CTSB: variants seen among roughly 807,000 people sequenced by gnomAD.
CTSB encodes the protein APP secretase.
CTSB carries 57 observed loss-of-function variants against 44.3 expected under a neutral mutation model. The ratio of observed to expected loss-of-function variants is 1.29; its 90% CI spans 1.04 to 1.60. The LOEUF (loss-of-function observed/expected upper bound fraction) is 1.60, where lower values mean the gene tolerates loss of function less well. Among genes scored for constraint, CTSB ranks in the 40% most tolerant of loss-of-function variants. The probability of loss-of-function intolerance (pLI) is 0.00; values close to 1 mark genes in which losing one functional copy is unlikely to be tolerated. For missense variants in CTSB, 768 were observed against 443.0 expected (o/e 1.73, Z -6.59); for synonymous variants, 320 against 168.0 (o/e 1.91, Z -7.00).
At chr8:11,866,813 T>G (rs1320180534) in intron 1 of CTSB, among the ~76,000 whole-genome samples, 1 of 152,178 alleles carries the variant, frequency 6.6e-6, no homozygotes, top group Non-Finnish European at 1.5e-5. Flanking sequence ...TGAGCCGAGA[T>G]CGCGCCACTG....
At chr8:11,855,684 G>A (rs1407969166) in intron 1 of CTSB, among the ~76,000 whole-genome samples, 2 of 152,058 alleles carry the variant, frequency 1.3e-5, no homozygotes, top group African/African-American at 4.8e-5. Context: ...CAGAAAAATG[G>A]AACCAGCATA....
intron 1 of CTSB, among the ~76,000 whole-genome samples, chr8:11,866,429 C>T (rs1044830440): frequency 6.6e-6 from 1 of 152,250 alleles, no homozygotes; most frequent in Non-Finnish European, 1.5e-5. Flanking sequence ...CCAGGGGGTA[C>T]CCCCAGCTAG....
intron 1 of CTSB, among the ~76,000 whole-genome samples, chr8:11,855,800 C>T (rs143750891): frequency 0.02 from 3,021 of 152,002 alleles, 49 homozygotes; most frequent in Middle Eastern, 0.048. Context: ...GGTGGATCGC[C>T]TGAGGTCAGG....
chr8:11,847,905 C>G, intron 6 of CTSB, 83 bp from the exon 7 acceptor site: 1 of 1,452,078 alleles, frequency 6.9e-7, no homozygotes, highest in South Asian at 1.3e-5. Flanking sequence ...GTGCCTGCAG[C>G]ATGGACGCCA....
At position 11,853,359 on chromosome 8, in the gene CTSB, G is replaced by A. The variant is rs191991280; in HGVS notation, c.96C>T (p.Asn32=). The change falls in exon 2 of 10, where the codon AAC becomes AAT. Residue 32 remains asparagine, a synonymous_variant. Transcript: ENST00000353047. The part of the protein sequence containing the change: ...SFHPLSDELV[N]YVNKRNTTWQ... Reference sequence around the variant, plus strand: ...ACGTGGTATTCCGTTTGTTGACATAGTTGACCAGCTCATCCGACAGGGGAT... The same window carrying A: ...ACGTGGTATTCCGTTTGTTGACATAATTGACCAGCTCATCCGACAGGGGAT... The A allele has an allele frequency of 6.2e-7, 1 of 1,613,380 alleles. No homozygotes were observed. The highest frequency in any genetic ancestry group is 2.2e-5 in the East Asian group (1 of 44,850).
At chr8:11,850,133 A>C in intron 4 of CTSB, 1 of 152,190 alleles carries the variant, frequency 6.6e-6, no homozygotes, top group Non-Finnish European at 1.5e-5. Flanking sequence ...TACACTTGAA[A>C]ATAGTTGCTG....
intron 8 of CTSB, chr8:11,846,187 A>ACACC (rs1813297620): frequency 6.5e-6 from 1 of 154,218 alleles, no homozygotes; most frequent in Non-Finnish European, 1.4e-5. Context: ...TGCTCCAGGT[A>ACACC]CACCCTGAAG....
chr8:11,860,650 A>G (rs1288948143), intron 1 of CTSB, among the ~76,000 whole-genome samples: 1 of 152,072 alleles, frequency 6.6e-6, no homozygotes, highest in African/African-American at 2.4e-5. Context: ...AACAAAACAA[A>G]AACAAAAGTC....
At chr8:11,852,775 C>T in intron 2 of CTSB, 80 bp from the exon 3 acceptor site, 1 of 1,378,612 alleles carries the variant, frequency 7.3e-7, no homozygotes, top group Non-Finnish European at 1.0e-6. Flanking sequence ...CGAAGCCCAA[C>T]CCAGGGAAAA....
At chr8:11,852,550 A>T in intron 3 of CTSB, 60 bp downstream of exon 3, 1 of 1,429,470 alleles carries the variant, frequency 7.0e-7, no homozygotes, top group Non-Finnish European at 9.7e-7. Flanking sequence ...CCCACTTCCC[A>T]CTGCCCCAAA....
Position 11,865,405 on chromosome 8 carries a change from G to A in CTSB, c.-26+2596C>T, listed in dbSNP as rs918502497. On this transcript the variant is annotated intron_variant, in intron 1 of 9. Coordinates refer to ENST00000353047, the MANE Select transcript of CTSB (RefSeq NM_001908.5). ...GATTTTTTTACATTGGATTTTTTTAGGAGAGACAAAAAATCTCTACTAAAA... is the reference window on the plus strand; with the variant it reads ...GATTTTTTTACATTGGATTTTTTTAAGAGAGACAAAAAATCTCTACTAAAA... The A allele has an allele frequency of 2.6e-5, 4 of 151,454 alleles. No homozygotes were observed. In the East Asian group the frequency reaches 5.8e-4, roughly 22 times the overall value. 9.4% of individuals were successfully genotyped at this position (151,454 alleles called of 1,614,324 possible).
At chr8:11,858,891 C>G (rs1815946594) in intron 1 of CTSB, among the ~76,000 whole-genome samples, 1 of 152,186 alleles carries the variant, frequency 6.6e-6, no homozygotes, top group African/African-American at 2.4e-5. Context: ...ACCCACTTCC[C>G]TTTTATTTCT....
rs138246733 is a variant in CTSB, at chr8:11,853,437, G to A, written c.18C>T (p.Ala6=). The A allele has an allele frequency of 3.4e-5, 55 of 1,612,080 alleles. 1 individual carries two copies. The South Asian group carries it at 4.9e-4, about 15-fold the overall frequency. MWQLW[A]SLCCLLVLAN... ...CCAACACCAGCAGGCAGCAGAGGGA[G>A]GCCCAGAGCTGCCACATGTTGGAAG... Residue 6 remains alanine, a synonymous_variant, in exon 2 of 10, where the codon GCC becomes GCT. Coordinates refer to ENST00000353047, the MANE Select transcript of CTSB (RefSeq NM_001908.5).
chr8:11,853,080 C>T (rs1814888506), intron 2 of CTSB, among the ~76,000 whole-genome samples: 2 of 152,110 alleles, frequency 1.3e-5, no homozygotes, highest in African/African-American at 4.8e-5. Flanking sequence ...CTTACTCCCC[C>T]ACACACCTCC....
At chr8:11,852,556 C>A in intron 3 of CTSB, 54 bp downstream of exon 3, 3 of 1,502,466 alleles carry the variant, frequency 2.0e-6, no homozygotes, top group South Asian at 1.2e-5. Context: ...TCCCACTGCC[C>A]CAAACCAACG....
chr8:11,845,309 C>T (rs1813068141), intron 9 of CTSB, 87 bp from the exon 10 acceptor site: 1 of 1,005,324 alleles, frequency 9.9e-7, no homozygotes, highest in Non-Finnish European at 1.5e-6. Context: ...TTAAGTCACT[C>T]ATCCCTGGCC....
intron 8 of CTSB, 38 bp downstream of exon 8, chr8:11,847,014 A>G (rs780643521): frequency 1.3e-5 from 9 of 711,150 alleles, no homozygotes; most frequent in Non-Finnish European, 2.3e-5. Flanking sequence ...TCCCCTCCCG[A>G]CCCCCACCCT....
rs368546296 is a variant in CTSB, at chr8:11,859,813, G to C, written c.-25-6334C>G. ...AAAAAGGCCGGACACAATGGCTCAC[G>C]CATGTAATCCCAGCACTTTGGGAGG... On this transcript the variant is annotated intron_variant, in intron 1 of 9. Coordinates refer to ENST00000353047, the MANE Select transcript of CTSB (RefSeq NM_001908.5). Among the ~76,000 whole-genome samples, 217 of 130,140 alleles carry C rather than the reference G, an allele frequency of 1.7e-3. 1 individual carries two copies. Among genetic ancestry groups the C allele is most frequent in the African/African-American group, 6.1e-3 (212 of 34,636 alleles). The allele number at this position is 130,140 out of a possible 152,430, so 85.4% of individuals were successfully genotyped here.
chr8:11,861,800 C>G (rs1332765134), intron 1 of CTSB, among the ~76,000 whole-genome samples: 1 of 152,172 alleles, frequency 6.6e-6, no homozygotes, highest in African/African-American at 2.4e-5. Context: ...GATTAGTGTT[C>G]TGCTCATTAG....
Sources: gnomAD v4.1 joint callset for allele counts (sites outside exome capture counted in the v4.1 genomes callset) on GRCh38, gnomAD v4.1.1 for gene constraint, MANE v1.5 for transcripts, NCBI Gene and HGNC (gene_info 2026-07-23, HGNC 2026-07-21) for gene names.